The following TMEM74 variants were observed in gnomAD, a reference collection of about 807,000 sequenced individuals.
TMEM74 encodes transmembrane protein 74.
TMEM74 carries 13 observed loss-of-function variants against 18.1 expected under a neutral mutation model. That is an observed-to-expected ratio of 0.72 (90% CI 0.47 to 1.14). TMEM74 has a LOEUF of 1.14. Ranked by LOEUF, TMEM74 falls within the 50% of genes most tolerant of loss-of-function variation. The pLI, the probability that TMEM74 is intolerant of heterozygous loss-of-function variation, is 0.00. For missense variants in TMEM74, 372 were observed against 375.9 expected, an observed-to-expected ratio of 0.99 and a Z score of 0.09; for synonymous variants, 159 against 146.6, an observed-to-expected ratio of 1.08 and a Z score of -0.61.
chr8:108,696,665 A>G (rs1406114223), intron 1 of TMEM74, among the ~76,000 whole-genome samples: 4 of 152,222 alleles, frequency 2.6e-5, no homozygotes, highest in Non-Finnish European at 5.9e-5. Context: ...GATCTATCCC[A>G]AAAGGATGGG....
chr8:108,737,726 T>C (rs911573381), intron 1 of TMEM74, among the ~76,000 whole-genome samples: 1 of 152,142 alleles, frequency 6.6e-6, no homozygotes, highest in African/African-American at 2.4e-5. Flanking sequence ...CAATAAGACA[T>C]GATATAATAA....
chr8:108,762,617 A>G (rs1049368200), intron 1 of TMEM74, among the ~76,000 whole-genome samples: 1 of 152,010 alleles, frequency 6.6e-6, no homozygotes, highest in African/African-American at 2.4e-5. Context: ...ATTTCCTTAT[A>G]TATACTTTTT....
intron 2 of TMEM74, among the ~76,000 whole-genome samples, chr8:108,625,605 A>G (rs1586238227): frequency 6.6e-6 from 1 of 152,060 alleles, no homozygotes; most frequent in South Asian, 2.1e-4. Context: ...TTTAAGGTTT[A>G]AAGATAAGGT....
At chr8:108,615,453 T>G (rs1015980208) in intron 2 of TMEM74, among the ~76,000 whole-genome samples, 1 of 152,190 alleles carries the variant, frequency 6.6e-6, no homozygotes, top group African/African-American at 2.4e-5. Context: ...GAGGTTCCAG[T>G]TAACAGGCCC....
At chr8:108,674,868 G>C (rs949246675) in intron 1 of TMEM74, among the ~76,000 whole-genome samples, 3 of 152,266 alleles carry the variant, frequency 2.0e-5, no homozygotes, top group South Asian at 4.1e-4. Context: ...CCAATGTGTA[G>C]CAGATACTGT....
In TMEM74 at chr8:108,781,261, G is replaced by T. The variant is rs1037192973; in HGVS notation, c.*2920C>A. Among the ~76,000 whole-genome samples the T allele has an allele frequency of 5.3e-5, 8 of 152,198 alleles. No homozygotes were observed. Among genetic ancestry groups the T allele is most frequent in the African/African-American group, 1.9e-4 (8 of 41,458 alleles). On this transcript the variant is annotated 3_prime_UTR_variant, in exon 2 of 2. Transcript: ENST00000297459. ...ACCATATTGAAGAGACAGACGGAAGGTCACAAATCTCCATGAAGGATGCAA... is the reference window on the plus strand; with the variant it reads ...ACCATATTGAAGAGACAGACGGAAGTTCACAAATCTCCATGAAGGATGCAA...
intron 2 of TMEM74, among the ~76,000 whole-genome samples, chr8:108,634,634 G>A (rs989744086): frequency 6.6e-6 from 1 of 151,854 alleles, no homozygotes; most frequent in Admixed American, 6.6e-5. Flanking sequence ...TGATTTTCAG[G>A]GGACTCTTCA....
chr8:108,778,009 G>C (rs1814251839), downstream of TMEM74, among the ~76,000 whole-genome samples: 1 of 151,974 alleles, frequency 6.6e-6, no homozygotes, highest in African/African-American at 2.4e-5. Flanking sequence ...ATTTAATAAA[G>C]ATCTACTAAA....
At chr8:108,720,850 C>T (rs1258294898) in intron 1 of TMEM74, among the ~76,000 whole-genome samples, 3 of 152,074 alleles carry the variant, frequency 2.0e-5, no homozygotes, top group Non-Finnish European at 4.4e-5. Flanking sequence ...CTCACTGCAA[C>T]CTCTGCCTCC....
At chr8:108,705,067 C>T (rs3019334) in intron 1 of TMEM74, among the ~76,000 whole-genome samples, 34,963 of 152,100 alleles carry the variant, frequency 0.23, 4,067 homozygotes, top group East Asian at 0.29. Flanking sequence ...ATCATGATAG[C>T]ATCGAATTTT....
chr8:108,626,904 C>T (rs1436115350), intron 2 of TMEM74: 1 of 151,878 alleles, frequency 6.6e-6, no homozygotes, highest in Admixed American at 6.6e-5. Flanking sequence ...TGAACACTCA[C>T]AAGAAATCCA....
chr8:108,768,546 C>G (rs888368822), intron 1 of TMEM74, among the ~76,000 whole-genome samples: 15 of 152,124 alleles, frequency 9.9e-5, no homozygotes, highest in African/African-American at 3.4e-4. Context: ...TAGGTGTTGT[C>G]TCTGACAGCA....
chr8:108,704,756 G>C (rs1490224850), intron 1 of TMEM74, among the ~76,000 whole-genome samples: 2 of 152,210 alleles, frequency 1.3e-5, no homozygotes, highest in Non-Finnish European at 2.9e-5. Context: ...AACATAGATG[G>C]AGGCATCAAA....
chr8:108,756,611 G>GAAGA (rs1813968059), intron 1 of TMEM74, among the ~76,000 whole-genome samples: 1 of 64,652 alleles, frequency 1.5e-5, no homozygotes, highest in Admixed American at 1.6e-4. Flanking sequence ...AGGAAGGAAG[G>GAAGA]AAGGAAGGAA....
intron 1 of TMEM74, among the ~76,000 whole-genome samples, chr8:108,759,966 A>T (rs1029711661): frequency 1.3e-5 from 2 of 152,096 alleles, no homozygotes; most frequent in Non-Finnish European, 2.9e-5. Flanking sequence ...TGAGGTCAGG[A>T]GTTGAAGACC....
intron 1 of TMEM74, among the ~76,000 whole-genome samples, chr8:108,691,630 T>C (rs1813231856): frequency 6.6e-6 from 1 of 152,102 alleles, no homozygotes; most frequent in African/African-American, 2.4e-5. Flanking sequence ...ACATGCAAAA[T>C]AGTTTCTTAG....
intron 1 of TMEM74, among the ~76,000 whole-genome samples, chr8:108,687,513 G>A (rs531419327): frequency 4.6e-5 from 7 of 152,110 alleles, no homozygotes; most frequent in South Asian, 2.1e-4. Context: ...CATTACGCTC[G>A]TTGTTCACTT....
chr8:108,775,849 C>G (rs572341679), downstream of TMEM74, among the ~76,000 whole-genome samples: 7 of 152,296 alleles, frequency 4.6e-5, no homozygotes, highest in South Asian at 1.4e-3. Flanking sequence ...GCTCTGGTAC[C>G]CTGGTTTCCC....
At chr8:108,756,592 GAAAGAGA>G (rs1453600225) in intron 1 of TMEM74, among the ~76,000 whole-genome samples, 1 of 92,198 alleles carries the variant, frequency 1.1e-5, no homozygotes, top group African/African-American at 5.0e-5. Context: ...AAGAAAGAAA[GAAAGAGA>G]AAGGAAGGAA....
Sources: allele counts gnomAD v4.1 joint callset (sites outside exome capture counted in the v4.1 genomes callset), GRCh38; gene constraint gnomAD v4.1.1; transcripts MANE v1.5; gene names NCBI Gene and HGNC (gene_info 2026-07-23, HGNC 2026-07-21).